OTUD7A: variants seen among roughly 807,000 people sequenced by gnomAD.
OTUD7A encodes OTU domain-containing protein 7A.
OTUD7A carries 12 observed loss-of-function variants against 65.7 expected under a neutral mutation model. The ratio of observed to expected loss-of-function variants is 0.18; its 90% CI spans 0.12 to 0.30. OTUD7A has a LOEUF of 0.30. Among genes scored for constraint, OTUD7A ranks in the 10% least tolerant of loss-of-function variants. OTUD7A has a pLI of 1.00. For missense variants in OTUD7A, 1,148 were observed against 1,304.8 expected (o/e 0.88, Z 1.85); for synonymous variants, 641 against 586.3 (o/e 1.09, Z -1.35).
intron 9 of OTUD7A, among the ~76,000 whole-genome samples, chr15:31,503,201 T>C (rs2041498986): frequency 1.3e-5 from 2 of 152,232 alleles, no homozygotes; most frequent in Non-Finnish European, 2.9e-5. Context: ...TGGCTTTTGG[T>C]GGGCAGGCCA....
At chr15:31,579,815 T>C (rs1889318497) in intron 3 of OTUD7A, among the ~76,000 whole-genome samples, 1 of 152,256 alleles carries the variant, frequency 6.6e-6, no homozygotes, top group African/African-American at 2.4e-5. Flanking sequence ...TGTGCACTCA[T>C]ACACACTATA....
At chr15:31,759,122 A>G (rs1894891916) in intron 1 of OTUD7A, among the ~76,000 whole-genome samples, 2 of 152,140 alleles carry the variant, frequency 1.3e-5, no homozygotes, top group African/African-American at 4.8e-5. Context: ...TGCCATTGGG[A>G]GCTATGCAAG....
chr15:31,774,145 T>C (rs1895309508), intron 1 of OTUD7A, among the ~76,000 whole-genome samples: 1 of 152,208 alleles, frequency 6.6e-6, no homozygotes, highest in African/African-American at 2.4e-5. Flanking sequence ...TTGAGCTCCA[T>C]GGAAATGCAT....
chr15:31,736,635 A>C (rs1327879949), intron 1 of OTUD7A, among the ~76,000 whole-genome samples: 1 of 152,190 alleles, frequency 6.6e-6, no homozygotes, highest in Non-Finnish European at 1.5e-5. Flanking sequence ...TCCCCAGGGA[A>C]GAGTAGTTTA....
intron 8 of OTUD7A, among the ~76,000 whole-genome samples, chr15:31,518,779 G>A (rs2041898479): frequency 6.6e-6 from 1 of 152,248 alleles, no homozygotes; most frequent in Non-Finnish European, 1.5e-5. Context: ...CCAGTCTGAG[G>A]AGGCTCAAGG....
chr15:31,528,201 T>C (rs1187373976), intron 6 of OTUD7A, among the ~76,000 whole-genome samples: 1 of 152,138 alleles, frequency 6.6e-6, no homozygotes, highest in Non-Finnish European at 1.5e-5. Flanking sequence ...ATGTTGAGGG[T>C]GGCAGCCCCA....
At chr15:31,775,320 AAAT>A (rs1340372082) in intron 1 of OTUD7A, among the ~76,000 whole-genome samples, 1 of 152,228 alleles carries the variant, frequency 6.6e-6, no homozygotes, top group East Asian at 1.9e-4. Flanking sequence ...TTCATTCAAC[AAAT>A]AATTATGTAA....
At chr15:31,493,288 A>G (rs1322670766) in intron 10 of OTUD7A, among the ~76,000 whole-genome samples, 1 of 152,244 alleles carries the variant, frequency 6.6e-6, no homozygotes, top group Non-Finnish European at 1.5e-5. Context: ...TACCAAAGAA[A>G]AAGAGGAACA....
At chr15:31,802,281 C>T (rs1044099298) in intron 1 of OTUD7A, among the ~76,000 whole-genome samples, 2 of 151,966 alleles carry the variant, frequency 1.3e-5, no homozygotes, top group African/African-American at 4.8e-5. Flanking sequence ...GTCCAGTGGT[C>T]GAGGGCAGGA....
intron 1 of OTUD7A, among the ~76,000 whole-genome samples, chr15:31,869,161 G>T (rs1036146015): frequency 6.6e-6 from 1 of 152,160 alleles, no homozygotes; most frequent in Non-Finnish European, 1.5e-5. Flanking sequence ...TAAAATAATG[G>T]AGTGTTGATC....
chr15:31,860,677 G>GCATATATATATATA, intron 1 of OTUD7A, among the ~76,000 whole-genome samples: 1 of 73,284 alleles, frequency 1.4e-5, no homozygotes, highest in Admixed American at 1.9e-4. Context: ...ATGTATGTGT[G>GCATATATATATATA]TATATATATA....
chr15:31,764,379 T>C (rs942590067), intron 1 of OTUD7A, among the ~76,000 whole-genome samples: 4 of 152,096 alleles, frequency 2.6e-5, no homozygotes, highest in African/African-American at 9.7e-5. Context: ...TAGTATGAAA[T>C]TACATTGAGA....
intron 1 of OTUD7A, among the ~76,000 whole-genome samples, chr15:31,847,582 C>G (rs1897320313): frequency 6.6e-6 from 1 of 152,138 alleles, no homozygotes; most frequent in Non-Finnish European, 1.5e-5. Flanking sequence ...GTTTGCAACA[C>G]AGGGAAGACC....
chr15:31,691,523 C>T (rs1236539194), intron 1 of OTUD7A, among the ~76,000 whole-genome samples: 2 of 152,112 alleles, frequency 1.3e-5, no homozygotes, highest in Non-Finnish European at 2.9e-5. Flanking sequence ...GCTGAGAAAA[C>T]CAAATATCCA....
At chr15:31,622,840 C>G (rs1295158927) in intron 3 of OTUD7A, among the ~76,000 whole-genome samples, 1 of 146,784 alleles carries the variant, frequency 6.8e-6, no homozygotes, top group Non-Finnish European at 1.5e-5. Context: ...GAGAGGCACT[C>G]TGATTTTTAG....
In OTUD7A at chr15:31,479,726, G is replaced by A. The variant is rs1170385006; in HGVS notation, c.*3568C>T. 6.6e-6 allele frequency: 1 copy of A among 151,348 alleles called. No homozygotes were observed. The highest frequency in any genetic ancestry group is 1.9e-4 in the East Asian group (1 of 5,162). The allele number at this position is 151,348 out of a possible 1,614,324, so 9.4% of individuals were successfully genotyped here. A position where few individuals can be genotyped will look rare whatever the true frequency, so the allele number is the denominator to read the frequency against. On this transcript the variant is annotated 3_prime_UTR_variant, in exon 13 of 13. Transcript: ENST00000307050. The stretch of plus-strand genomic sequence containing the variant: ...ACAGGGCGGGCTCTGCATGGAGGAT[G>A]TCCACACCCTGAGGTGTGCACCTGG...
At chr15:31,524,368 G>A (rs2041981351) in intron 8 of OTUD7A, among the ~76,000 whole-genome samples, 1 of 150,230 alleles carries the variant, frequency 6.7e-6, no homozygotes, top group South Asian at 2.1e-4. Context: ...TGACTTTTTG[G>A]CTCCTTCCAT....
At position 31,477,891 on chromosome 15, in the gene OTUD7A, G is replaced by A. The variant is rs2041047404; in HGVS notation, c.*5403C>T. ...GAAGAAGATGCAGAGAGGTGGGTAG[G>A]GAGGGAGGGTGGGGTGTGTTGTCCT... On this transcript the variant is annotated 3_prime_UTR_variant, in exon 13 of 13. Transcript: ENST00000307050. 1 of 151,780 alleles carries A rather than the reference G, an allele frequency of 6.6e-6. No individual in the cohort carries two copies. The highest frequency in any genetic ancestry group is 2.4e-5 in the African/African-American group (1 of 41,272). The allele number at this position is 151,780 out of a possible 1,614,324, so 9.4% of individuals were successfully genotyped here. A position where few individuals can be genotyped will look rare whatever the true frequency, so the allele number is the denominator to read the frequency against.
At chr15:31,508,333 A>AT (rs1318568784) in intron 8 of OTUD7A, among the ~76,000 whole-genome samples, 1 of 151,678 alleles carries the variant, frequency 6.6e-6, no homozygotes, top group Non-Finnish European at 1.5e-5. Flanking sequence ...TGAGTTTTTT[A>AT]TTTTTTGATA....
Sources: gnomAD v4.1 joint callset for allele counts (sites outside exome capture counted in the v4.1 genomes callset) on GRCh38, gnomAD v4.1.1 for gene constraint, MANE v1.5 for transcripts, NCBI Gene and HGNC (gene_info 2026-07-23, HGNC 2026-07-21) for gene names.